The following STAT1 variants were observed in gnomAD, a reference collection of about 807,000 sequenced individuals.
STAT1 encodes signal transducer and activator of transcription 1-alpha/beta.
A neutral mutation model predicts 111.7 loss-of-function variants in STAT1; 24 were observed. That is an observed-to-expected ratio of 0.21 (90% CI 0.16 to 0.30). The LOEUF (loss-of-function observed/expected upper bound fraction) is 0.30, where lower values mean the gene tolerates loss of function less well. Ranked by LOEUF, STAT1 falls within the 10% of genes least tolerant of loss-of-function variation. The probability of loss-of-function intolerance (pLI) is 1.00; values close to 1 mark genes in which losing one functional copy is unlikely to be tolerated. For missense variants in STAT1, 351 were observed against 911.9 expected, an observed-to-expected ratio of 0.38 and a Z score of 7.92; for synonymous variants, 332 against 326.5, an observed-to-expected ratio of 1.02 and a Z score of -0.18.
At position 190,987,206 on chromosome 2, in the gene STAT1, C is replaced by T; in HGVS notation, c.1098-138G>A. 4.1e-6 allele frequency: 3 copies of T among 723,126 alleles called. No individual in the cohort carries two copies. In the East Asian group the frequency reaches 8.0e-5, roughly 19 times the overall value. 44.8% of individuals were successfully genotyped at this position (723,126 alleles called of 1,614,324 possible). A position where few individuals can be genotyped will look rare whatever the true frequency, so the allele number is the denominator to read the frequency against. ...TAAATCTACACCTATGGATTTGCAG[C>T]CTTTCATTCACTCCCTGCTTCCATC... is the stretch of plus-strand genomic sequence containing the variant. On this transcript the variant is annotated intron_variant, in intron 12 of 24. Transcript: ENST00000361099. This position sits in a 1 kb window ranked among gnomAD's most constrained non-coding sequence, Gnocchi z 4.0.
At position 190,971,953 on chromosome 2, in the gene STAT1, T is replaced by C. The variant is rs1691512971; in HGVS notation, c.2239-1236A>G. On this transcript the variant is annotated intron_variant, in intron 24 of 24. Coordinates refer to ENST00000361099, the MANE Select transcript of STAT1 (RefSeq NM_007315.4). The surrounding 1 kb of genome is among the most constrained non-coding windows in gnomAD (Gnocchi z 4.1). ...GTCTCAAACTCCTGATCGCAGGTGA[T>C]CCACCTGCCCCGGCCTCCCAAAATG... Among the ~76,000 whole-genome samples, 1 of 152,162 alleles carries C rather than the reference T, an allele frequency of 6.6e-6. No individual in the cohort carries two copies. The highest frequency in any genetic ancestry group is 2.1e-4 in the South Asian group (1 of 4,830).
At chr2:191,013,712 G>T in intron 1 of STAT1, 34 bp from the exon 2 acceptor site, 1 of 398,708 alleles carries the variant, frequency 2.5e-6, no homozygotes. Context: ...TGATGGAAAG[G>T]GGTGGAAACG....
In STAT1 at chr2:190,981,106, T is replaced by C. The variant is rs1692355674; in HGVS notation, c.1583-437A>G. The stretch of plus-strand genomic sequence containing the variant: ...TCCAAGACCATCAGCTGACTTTGCC[T>C]TTTGCACTAAATCAAAGGTGTTCTG... On this transcript the variant is annotated intron_variant, in intron 18 of 24. Coordinates refer to ENST00000361099, the MANE Select transcript of STAT1 (RefSeq NM_007315.4). The surrounding 1 kb of genome is among the most constrained non-coding windows in gnomAD (Gnocchi z 4.1). 2.6e-5 allele frequency among the ~76,000 whole-genome samples: 4 copies of C among 152,110 alleles called. No homozygotes were observed. Among genetic ancestry groups the C allele is most frequent in the Non-Finnish European group, 4.4e-5 (3 of 68,022 alleles).
In STAT1 at chr2:190,980,222, C is replaced by T. The variant is rs574304018; in HGVS notation, c.1633-356G>A. 2.6e-5 allele frequency among the ~76,000 whole-genome samples: 4 copies of T among 152,362 alleles called. No individual in the cohort carries two copies. The East Asian group carries it at 7.7e-4, about 29-fold the overall frequency. ...AGCTGGTCCGCACTGTCTGGTGACT[C>T]CAGCAGAATCTAAATGTTCCCCGCA... is the stretch of plus-strand genomic sequence containing the variant. On this transcript the variant is annotated intron_variant, in intron 19 of 24. Transcript: ENST00000361099. This position sits in a 1 kb window ranked among gnomAD's most constrained non-coding sequence, Gnocchi z 6.1.
intron 5 of STAT1, among the ~76,000 whole-genome samples, chr2:191,001,864 G>A (rs143228480): frequency 1.2e-4 from 19 of 152,252 alleles, no homozygotes; most frequent in Admixed American, 3.9e-4. Context: ...CTCTAGGCTC[G>A]GGTGTTAGAG....
At position 190,998,038 on chromosome 2, in the gene STAT1, A is replaced by C. The variant is rs369684905; in HGVS notation, c.634-31T>G. The C allele has an allele frequency of 1.2e-6, 2 of 1,611,794 alleles. No homozygotes were observed. The highest frequency in any genetic ancestry group is 2.2e-5 in the South Asian group (2 of 90,882). Reference sequence around the variant, plus strand: ...GGCAATAGAAGAAACAAAGTGAAATAAATTCATTTTTAATCACTGAATTTT... The same window carrying C: ...GGCAATAGAAGAAACAAAGTGAAATCAATTCATTTTTAATCACTGAATTTT... On this transcript the variant is annotated intron_variant, in intron 8 of 24. Coordinates refer to ENST00000361099, the MANE Select transcript of STAT1 (RefSeq NM_007315.4). This position sits in a 1 kb window ranked among gnomAD's most constrained non-coding sequence, Gnocchi z 4.1.
Position 190,974,179 on chromosome 2 carries a change from AG to A in STAT1, c.2238+650del, listed in dbSNP as rs1163246328. Among the ~76,000 whole-genome samples the A allele has an allele frequency of 6.7e-6, 1 of 148,644 alleles. No homozygotes were observed. Among genetic ancestry groups the A allele is most frequent in the Non-Finnish European group, 1.5e-5 (1 of 67,456 alleles). ...TTAAGAGGAAGGATTTTAGGCTGAA[AG>A]GCAAACAATACTAGTTGATATACTA... On this transcript the variant is annotated intron_variant, in intron 24 of 24. Coordinates refer to ENST00000361099, the MANE Select transcript of STAT1 (RefSeq NM_007315.4). The surrounding 1 kb of genome is among the most constrained non-coding windows in gnomAD (Gnocchi z 4.8).
Position 190,998,363 on chromosome 2 carries a change from C to T in STAT1, c.542-55G>A. On this transcript the variant is annotated intron_variant, in intron 7 of 24. Coordinates refer to ENST00000361099, the MANE Select transcript of STAT1 (RefSeq NM_007315.4). This position sits in a 1 kb window ranked among gnomAD's most constrained non-coding sequence, Gnocchi z 4.1. The stretch of plus-strand genomic sequence containing the variant: ...ATAAAGAAGACAAAACCAACAAAAG[C>T]CAAGATTCATATAAATTTAGGATAA... 1 of 1,375,602 alleles carries T rather than the reference C, an allele frequency of 7.3e-7. No individual in the cohort carries two copies. The highest frequency in any genetic ancestry group is 1.0e-6 in the Non-Finnish European group (1 of 966,956). 85.2% of individuals were successfully genotyped at this position (1,375,602 alleles called of 1,614,324 possible). A position where few individuals can be genotyped will look rare whatever the true frequency, so the allele number is the denominator to read the frequency against.
chr2:191,007,486 A>C lies in STAT1; in HGVS notation c.372+77T>G. The C allele has an allele frequency of 4.9e-6, 5 of 1,022,670 alleles. No individual in the cohort carries two copies. Among genetic ancestry groups the C allele is most frequent in the East Asian group, 2.4e-5 (1 of 41,326 alleles). The allele number at this position is 1,022,670 out of a possible 1,614,324, so 63.3% of individuals were successfully genotyped here. On this transcript the variant is annotated intron_variant, in intron 5 of 24. Coordinates refer to ENST00000361099, the MANE Select transcript of STAT1 (RefSeq NM_007315.4). The surrounding 1 kb of genome is among the most constrained non-coding windows in gnomAD (Gnocchi z 4.2). ...GAGAGATATTCATCATTGCTTTGAC[A>C]TGGGCCCTAATAGTATTTGATGAAT...
intron 5 of STAT1, among the ~76,000 whole-genome samples, chr2:191,005,470 C>T (rs1268745971): frequency 3.3e-5 from 5 of 152,162 alleles, no homozygotes; most frequent in Admixed American, 6.5e-5. Flanking sequence ...TGTACTGTAC[C>T]TTTTCTATGT....
intron 15 of STAT1, among the ~76,000 whole-genome samples, chr2:190,985,186 G>T (rs1692708680): frequency 6.6e-6 from 1 of 152,260 alleles, no homozygotes; most frequent in Non-Finnish European, 1.5e-5. Context: ...GGAAACTGAT[G>T]CAAAGGCAAT....
chr2:191,013,852 G>C, intron 1 of STAT1, 166 bp downstream of exon 1: 1 of 392,960 alleles, frequency 2.5e-6, no homozygotes. Context: ...CCGAGAACAG[G>C]TGGCACTGCT....
rs761726962 is a variant in STAT1, at chr2:190,979,766, C to T, written c.1727+6G>A. The T allele has an allele frequency of 2.6e-5, 42 of 1,607,890 alleles. No homozygotes were observed. Among genetic ancestry groups the T allele is most frequent in the Non-Finnish European group, 3.5e-5 (41 of 1,174,554 alleles). ...GTTTCAAAATACATCTATCGGTGGC[C>T]CTTACCCATCATTCCAGAGAGGGAG... On this transcript the variant is annotated splice_donor_region_variant and intron_variant, in intron 20 of 24. Coordinates refer to ENST00000361099, the MANE Select transcript of STAT1 (RefSeq NM_007315.4). The surrounding 1 kb of genome is among the most constrained non-coding windows in gnomAD (Gnocchi z 5.8).
rs987130922 is a variant in STAT1, at chr2:190,975,037, A to G, written c.2136-105T>C. The G allele has an allele frequency of 1.0e-5, 10 of 953,580 alleles. No homozygotes were observed. In the East Asian group the frequency reaches 2.6e-4, roughly 25 times the overall value. The allele number at this position is 953,580 out of a possible 1,614,324, so 59.1% of individuals were successfully genotyped here. A position where few individuals can be genotyped will look rare whatever the true frequency, so the allele number is the denominator to read the frequency against. On this transcript the variant is annotated intron_variant, in intron 23 of 24. Coordinates refer to ENST00000361099, the MANE Select transcript of STAT1 (RefSeq NM_007315.4). The surrounding 1 kb of genome is among the most constrained non-coding windows in gnomAD (Gnocchi z 5.9). ...TTGTCTGTAATTGAATTATCACGTT[A>G]TATTTTTATTTTGGGTAAGTGCATA...
intron 2 of STAT1, among the ~76,000 whole-genome samples, chr2:191,011,027 A>G (rs1695074849): frequency 6.6e-6 from 1 of 152,208 alleles, no homozygotes. Context: ...CCTCTGGGGA[A>G]GGAGTCTGGA....
Position 191,006,154 on chromosome 2 carries a change from T to G in STAT1, c.372+1409A>C, listed in dbSNP as rs974377690. 6.6e-6 allele frequency among the ~76,000 whole-genome samples: 1 copy of G among 152,156 alleles called. No homozygotes were observed. The highest frequency in any genetic ancestry group is 6.5e-5 in the Admixed American group (1 of 15,272). On this transcript the variant is annotated intron_variant, in intron 5 of 24. Transcript: ENST00000361099. This position sits in a 1 kb window ranked among gnomAD's most constrained non-coding sequence, Gnocchi z 4.6. ...CTTTGCTCCTGGCTGTCCTTTCAAG[T>G]CTATTAGAAATACAGAGGAGGCCCA...
At position 190,986,797 on chromosome 2, in the gene STAT1, A is replaced by G. The variant is rs1692863800; in HGVS notation, c.1221+57T>C. 6 of 1,539,896 alleles carry G rather than the reference A, an allele frequency of 3.9e-6. No individual in the cohort carries two copies. Among genetic ancestry groups the G allele is most frequent in the Non-Finnish European group, 5.4e-6 (6 of 1,112,636 alleles). On this transcript the variant is annotated intron_variant, in intron 14 of 24. Transcript: ENST00000361099. The surrounding 1 kb of genome is among the most constrained non-coding windows in gnomAD (Gnocchi z 5.0). ...GCAATGTGCCAAAAAGGGCTGCTCT[A>G]TTGTCAAAAGTCCTAAGAAACCAGA...
At position 190,969,641 on chromosome 2, in the gene STAT1, CAT is replaced by C. The variant is rs1487284348; in HGVS notation, c.*1060_*1061del. On this transcript the variant is annotated 3_prime_UTR_variant, in exon 25 of 25. Transcript: ENST00000361099. ...GTGAAAAACACATATATCAGCGAAA[CAT>C]ATGCAGTTCTCAATGCAGTTACATA... 1.3e-5 allele frequency: 2 copies of C among 152,176 alleles called. No individual in the cohort carries two copies. The highest frequency in any genetic ancestry group is 2.9e-5 in the Non-Finnish European group (2 of 68,016). The allele number at this position is 152,176 out of a possible 1,614,324, so 9.4% of individuals were successfully genotyped here.
intron 2 of STAT1, 150 bp from the exon 3 acceptor site, chr2:191,010,154 T>C: frequency 2.0e-6 from 2 of 1,003,330 alleles, no homozygotes; most frequent in Admixed American, 2.4e-5. Context: ...ATGGCATTTA[T>C]AGTCTAAAGC....
Sources: allele counts gnomAD v4.1 joint callset (sites outside exome capture counted in the v4.1 genomes callset), GRCh38; gene constraint gnomAD v4.1.1; non-coding constraint Gnocchi (gnomAD v3.1); transcripts MANE v1.5; gene names NCBI Gene and HGNC (gene_info 2026-07-23, HGNC 2026-07-21).